BCL2L12: variants seen among roughly 807,000 people sequenced by gnomAD.
BCL2L12 encodes bcl-2-like protein 12.
Under a neutral mutation model 25.7 loss-of-function variants are expected in BCL2L12, and 27 were observed. The observed-to-expected ratio is 1.05, with a 90% CI of 0.78 to 1.45. The LOEUF is 1.45. BCL2L12 is among the 40% of genes most tolerant of loss of function. BCL2L12 has a pLI of 0.00. For synonymous variants in BCL2L12, 132 were observed against 145.6 expected (o/e 0.91, Z 0.67); for missense variants, 302 against 329.8 (o/e 0.92, Z 0.65).
At chr19:49,668,533 G>A (rs141361253) in intron 3 of BCL2L12, among the ~76,000 whole-genome samples, 6 of 152,194 alleles carry the variant, frequency 3.9e-5, no homozygotes, top group Non-Finnish European at 8.8e-5. Flanking sequence ...GCCAGGCTTG[G>A]TTGCTCACGC....
At chr19:49,665,642 G>A (rs1037911628), upstream of BCL2L12, 48 of 735,826 alleles carry the variant, frequency 6.5e-5, no homozygotes, top group South Asian at 3.1e-4. Context: ...TACGATGGAA[G>A]GTCGGGGCGT....
At chr19:49,670,524 T>C (rs1473147847) in intron 6 of BCL2L12, 36 bp downstream of exon 6, 1 of 1,530,354 alleles carries the variant, frequency 6.5e-7, no homozygotes, top group South Asian at 1.2e-5. Flanking sequence ...GGGCCTCACT[T>C]TACCTAACTG....
intron 1 of BCL2L12, 77 bp downstream of exon 1, chr19:49,666,144 C>T (rs2081743970): frequency 6.8e-7 from 1 of 1,475,058 alleles, no homozygotes; most frequent in African/African-American, 1.4e-5. Context: ...GCACCCCAGT[C>T]CCGCTTCTCT....
At chr19:49,671,110 T>G (rs766685280) in intron 6 of BCL2L12, among the ~76,000 whole-genome samples, 1 of 150,920 alleles carries the variant, frequency 6.6e-6, no homozygotes, top group Non-Finnish European at 1.5e-5. Context: ...TGCAGTGAGC[T>G]GAGATCATGC....
chr19:49,667,822 C>T (rs912846776), intron 3 of BCL2L12, among the ~76,000 whole-genome samples: 2 of 152,094 alleles, frequency 1.3e-5, no homozygotes, highest in African/African-American at 4.8e-5. Flanking sequence ...GCTCTGTCAC[C>T]CAGGCTGGAG....
At chr19:49,665,871 T>G (rs1169077504), upstream of BCL2L12, 1 of 1,610,706 alleles carries the variant, frequency 6.2e-7, no homozygotes. Context: ...CTTTTTTGGG[T>G]TTCCGGCCAG....
Position 49,672,786 on chromosome 19 carries a change from T to C in BCL2L12, c.703-912T>C, listed in dbSNP as rs890433747. On this transcript the variant is annotated intron_variant, in intron 6 of 6. Transcript: ENST00000246784. The surrounding 1 kb of genome is among the most constrained non-coding windows in gnomAD (Gnocchi z 4.1). ...GGGAGCAGGACTGGAGGTGGTCCGG[T>C]CTACAGTAAGATCAGAACTCATAGC... Among the ~76,000 whole-genome samples, 4 of 151,988 alleles carry C rather than the reference T, an allele frequency of 2.6e-5. No homozygotes were observed. The highest frequency in any genetic ancestry group is 7.3e-5 in the African/African-American group (3 of 41,354).
At chr19:49,666,587 G>A (rs572883467) in intron 1 of BCL2L12, 98 bp from the exon 2 acceptor site, 1 of 870,720 alleles carries the variant, frequency 1.1e-6, no homozygotes, top group Admixed American at 2.8e-5. Flanking sequence ...AGGAGTCCAG[G>A]CCCTCAGCAC....
At chr19:49,669,621 T>G (rs1186527006) in intron 5 of BCL2L12, among the ~76,000 whole-genome samples, 1 of 151,622 alleles carries the variant, frequency 6.6e-6, no homozygotes, top group Non-Finnish European at 1.5e-5. Flanking sequence ...TTTAATTGAT[T>G]GTTTAGAGGG....
intron 6 of BCL2L12, among the ~76,000 whole-genome samples, chr19:49,670,703 C>T (rs1456332365): frequency 6.6e-6 from 1 of 152,162 alleles, no homozygotes; most frequent in Non-Finnish European, 1.5e-5. Flanking sequence ...ATACTGTGAG[C>T]GTGAAACCAG....
intron 5 of BCL2L12, among the ~76,000 whole-genome samples, chr19:49,669,520 A>G (rs1411691586): frequency 6.7e-6 from 1 of 148,934 alleles, no homozygotes; most frequent in African/African-American, 2.5e-5. Context: ...TGGGTGACAG[A>G]GTGAGACTCT....
Position 49,668,847 on chromosome 19 carries a change from C to A in BCL2L12, c.251-4C>A. ...AAACCTGTCATTAACTCTTTTCACC[C>A]CAGGCCCAGCTACTCCAGACTTCTA... On this transcript the variant is annotated splice_region_variant and splice_polypyrimidine_tract_variant and intron_variant, in intron 3 of 6. Coordinates refer to ENST00000246784, the MANE Select transcript of BCL2L12 (RefSeq NM_138639.2). The A allele has an allele frequency of 5.6e-6, 9 of 1,611,970 alleles. No homozygotes were observed. Among genetic ancestry groups the A allele is most frequent in the Non-Finnish European group, 7.6e-6 (9 of 1,179,542 alleles).
At chr19:49,669,828 C>T (rs1294102919) in intron 5 of BCL2L12, among the ~76,000 whole-genome samples, 2 of 152,090 alleles carry the variant, frequency 1.3e-5, no homozygotes, top group Non-Finnish European at 2.9e-5. Context: ...GTCCTGGAAT[C>T]TGATTGGCTT....
chr19:49,668,721 C>A, intron 3 of BCL2L12, 130 bp from the exon 4 acceptor site: 1 of 975,958 alleles, frequency 1.0e-6, no homozygotes, highest in Non-Finnish European at 1.5e-6. Context: ...CTCCGTTTCC[C>A]AAAATCAATA....
Position 49,673,853 on chromosome 19 carries a change from C to T in BCL2L12, c.*105C>T. The T allele has an allele frequency of 7.4e-7, 1 of 1,343,818 alleles. No homozygotes were observed. The highest frequency in any genetic ancestry group is 1.0e-6 in the Non-Finnish European group (1 of 969,194). 83.2% of individuals were successfully genotyped at this position (1,343,818 alleles called of 1,614,324 possible). On this transcript the variant is annotated 3_prime_UTR_variant, in exon 7 of 7. Coordinates refer to ENST00000246784, the MANE Select transcript of BCL2L12 (RefSeq NM_138639.2). ...ACTCAGGGCTGTGGGGTGGTGGTTG[C>T]CCTACCTGTTTTTGCCAAAAATAAA...
chr19:49,670,231 G>C lies in BCL2L12; in HGVS notation c.445G>C (p.Ala149Pro). ...CACCCTACAGCTGGCCTCGGACCCCGCCCTGCGCAGCAAGCTGGTCCGCCT... is the reference window on the plus strand; with the variant it reads ...CACCCTACAGCTGGCCTCGGACCCCCCCCTGCGCAGCAAGCTGGTCCGCCT... ...VINQKLASDP[A>P]LRSKLVRLSS... Residue 149 changes from alanine to proline, a missense_variant, in exon 6 of 7, where the codon GCC becomes CCC. By Grantham distance (27) the Ala-to-Pro change is conservative. Coordinates refer to ENST00000246784, the MANE Select transcript of BCL2L12 (RefSeq NM_138639.2). 6.2e-7 allele frequency: 1 copy of C among 1,606,810 alleles called. No homozygotes were observed. Among genetic ancestry groups the C allele is most frequent in the Non-Finnish European group, 8.5e-7 (1 of 1,179,446 alleles).
In BCL2L12 at chr19:49,671,707, G is replaced by A. The variant is rs544389861; in HGVS notation, c.702+1219G>A. Among the ~76,000 whole-genome samples the A allele has an allele frequency of 7.2e-5, 11 of 152,294 alleles. No individual in the cohort carries two copies. The South Asian group carries it at 2.1e-3, about 29-fold the overall frequency. On this transcript the variant is annotated intron_variant, in intron 6 of 6. Transcript: ENST00000246784. ...CTCTGAGGGTTAAAATGGGGTCAATGTGGTAAGCCCTCTGTGCACTGCCTG... is the reference window on the plus strand; with the variant it reads ...CTCTGAGGGTTAAAATGGGGTCAATATGGTAAGCCCTCTGTGCACTGCCTG...
intron 3 of BCL2L12, among the ~76,000 whole-genome samples, chr19:49,668,092 CTTTTTTTTTT>C (rs764611836): frequency 8.0e-6 from 1 of 125,390 alleles, no homozygotes; most frequent in African/African-American, 3.0e-5. Flanking sequence ...CTCTGACATT[CTTTTTTTTTT>C]TTTTTTTTTT....
chr19:49,670,716 A>G (rs2081944693), intron 6 of BCL2L12, among the ~76,000 whole-genome samples: 1 of 152,210 alleles, frequency 6.6e-6, no homozygotes, highest in Admixed American at 6.5e-5. Context: ...GAAACCAGTG[A>G]CTGAGGTTAC....
Sources: gnomAD v4.1 joint callset for allele counts (sites outside exome capture counted in the v4.1 genomes callset) on GRCh38, gnomAD v4.1.1 for gene constraint, Gnocchi (gnomAD v3.1) non-coding constraint, MANE v1.5 for transcripts, NCBI Gene and HGNC (gene_info 2026-07-23, HGNC 2026-07-21) for gene names.